The following CECR2 variants were observed in gnomAD, a reference collection of about 807,000 sequenced individuals.
The protein encoded by CECR2 is chromatin remodeling regulator CECR2.
In CECR2, 30 loss-of-function variants were observed where a neutral mutation model predicts 154.5. That is an observed-to-expected ratio of 0.19 (90% CI 0.15 to 0.26). The LOEUF (loss-of-function observed/expected upper bound fraction) is 0.26. CECR2 is among the 10% of genes least tolerant of loss of function. The pLI, the probability that CECR2 is intolerant of heterozygous loss-of-function variation, is 1.00. For synonymous variants in CECR2, 725 were observed against 683.7 expected (o/e 1.06, Z -0.94); for missense variants, 1,743 against 1,829.3 (o/e 0.95, Z 0.86).
chr22:17,518,131 T>C (rs2056091511), intron 8 of CECR2, among the ~76,000 whole-genome samples: 1 of 113,262 alleles, frequency 8.8e-6, no homozygotes. Context: ...CAGTCTCTTC[T>C]ACTTCCTTTC....
chr22:17,379,248 G>C (rs142498956), intron 1 of CECR2, among the ~76,000 whole-genome samples: 214 of 152,182 alleles, frequency 1.4e-3, no homozygotes, highest in African/African-American at 4.9e-3. Flanking sequence ...TGAGCCCCCC[G>C]CGCCTGGCAT....
At chr22:17,406,672 G>C (rs2053989840) in intron 1 of CECR2, among the ~76,000 whole-genome samples, 1 of 152,108 alleles carries the variant, frequency 6.6e-6, no homozygotes, top group Admixed American at 6.6e-5. Context: ...CCCTTCCCCA[G>C]ATTCTTAGCA....
chr22:17,484,897 C>G (rs2055393467), intron 2 of CECR2, among the ~76,000 whole-genome samples: 1 of 152,176 alleles, frequency 6.6e-6, no homozygotes, highest in Non-Finnish European at 1.5e-5. Context: ...GGACATCAGG[C>G]CAGATTTGGC....
chr22:17,498,981 A>T (rs1012644680), intron 3 of CECR2, among the ~76,000 whole-genome samples: 2 of 151,260 alleles, frequency 1.3e-5, no homozygotes, highest in East Asian at 1.9e-4. Context: ...GGACATTTTT[A>T]TTTATTTATT....
rs557080389 is a variant in CECR2 at position 17,490,457 on chromosome 22, T to C, written c.222-6946T>C. ...ATTTTTATTTATTTATTTTTTGAGA[T>C]GGCGTCTTGCTCTGTCACCCAGGCT... On this transcript the variant is annotated intron_variant, in intron 2 of 18. Transcript: ENST00000262608. Among the ~76,000 whole-genome samples, 115 of 152,126 alleles carry C rather than the reference T, an allele frequency of 7.6e-4. 1 individual carries two copies. The highest frequency in any genetic ancestry group is 2.7e-3 in the African/African-American group (113 of 41,502).
At position 17,383,091 on chromosome 22, in the gene CECR2, TG is replaced by T. The variant is rs1376196775; in HGVS notation, c.126+13184del. 4.6e-5 allele frequency among the ~76,000 whole-genome samples: 7 copies of T among 152,000 alleles called. No homozygotes were observed. The East Asian group carries it at 1.4e-3, about 29-fold the overall frequency. ...AAATACAAAAATTAGCCGGGCACGG[TG>T]GCGGGCACCTGTAATCCCAGCTGCT... On this transcript the variant is annotated intron_variant, in intron 1 of 18. Coordinates refer to ENST00000262608, the MANE Select transcript of CECR2 (RefSeq NM_001290047.2).
chr22:17,543,071 T>A, intron 16 of CECR2, 68 bp downstream of exon 16: 1 of 1,462,368 alleles, frequency 6.8e-7, no homozygotes, highest in Non-Finnish European at 9.2e-7. Flanking sequence ...ACACAGCATA[T>A]CAAACCAAGT....
intron 1 of CECR2, among the ~76,000 whole-genome samples, chr22:17,401,776 G>A (rs2053896049): frequency 6.6e-6 from 1 of 151,740 alleles, no homozygotes. Flanking sequence ...TTTCTCTTGG[G>A]TAAGTACCTG....
At chr22:17,462,045 C>T (rs2054947700) in intron 1 of CECR2, among the ~76,000 whole-genome samples, 1 of 151,336 alleles carries the variant, frequency 6.6e-6, no homozygotes, top group South Asian at 2.1e-4. Context: ...CCCGCCTTGG[C>T]CTCCCAAAGT....
At chr22:17,518,606 C>T (rs528604625) in intron 8 of CECR2, 10 of 395,920 alleles carry the variant, frequency 2.5e-5, no homozygotes, top group South Asian at 8.7e-5. Flanking sequence ...ATCTTTAGGA[C>T]GGATGGTTTC....
At chr22:17,503,514 A>G (rs557022915) in intron 6 of CECR2, among the ~76,000 whole-genome samples, 23 of 152,222 alleles carry the variant, frequency 1.5e-4, no homozygotes, top group Non-Finnish European at 1.5e-4. Flanking sequence ...TGTAATCCAA[A>G]TAACATAAAA....
intron 1 of CECR2, among the ~76,000 whole-genome samples, chr22:17,408,952 G>A (rs1165520852): frequency 6.6e-6 from 1 of 152,124 alleles, no homozygotes; most frequent in African/African-American, 2.4e-5. Context: ...CCTAGCTTTA[G>A]CTGTATCAGC....
Position 17,542,157 on chromosome 22 carries a change from C to G in CECR2, c.2014C>G (p.Pro672Ala). Residue 672 changes from proline to alanine, a missense_variant and splice_region_variant, in exon 16 of 19, where the codon CCT becomes GCT. Physicochemically the swap from Pro to Ala is conservative, Grantham distance 27. This residue lies in a region of CECR2 where 1,250 missense variants were observed against 1,192.1 expected (regional missense o/e 1.05). Transcript: ENST00000262608. ...CTGTGCTGCCTTTTCTCGTTGCCAGCCTCCAGTTGGAATTAACAGCCTCCG... is the reference window on the plus strand; with the variant it reads ...CTGTGCTGCCTTTTCTCGTTGCCAGGCTCCAGTTGGAATTAACAGCCTCCG... Reference protein sequence around the residue: ...VQQRQPFTMQPPVGINSLRGP... With the variant: ...VQQRQPFTMQAPVGINSLRGP... 1.2e-6 allele frequency: 2 copies of G among 1,607,152 alleles called. No homozygotes were observed. The highest frequency in any genetic ancestry group is 1.7e-6 in the Non-Finnish European group (2 of 1,174,800).
intron 1 of CECR2, among the ~76,000 whole-genome samples, chr22:17,433,402 C>A (rs1048329614): frequency 6.6e-6 from 1 of 152,134 alleles, no homozygotes; most frequent in African/African-American, 2.4e-5. Context: ...TTAAAATTAA[C>A]ATTTTAGAGT....
intron 1 of CECR2, among the ~76,000 whole-genome samples, chr22:17,379,510 A>C (rs547114108): frequency 3.3e-5 from 5 of 151,374 alleles, no homozygotes; most frequent in African/African-American, 1.2e-4. Context: ...TCTCTTGAGC[A>C]TTGAGCAGTG....
chr22:17,371,438 C>T (rs2146438313), intron 1 of CECR2, among the ~76,000 whole-genome samples: 1 of 152,206 alleles, frequency 6.6e-6, no homozygotes, highest in East Asian at 1.9e-4. Context: ...ATGTAGCAAG[C>T]ATAATTTTAT....
chr22:17,543,299 A>AT (rs1394554039), intron 16 of CECR2, among the ~76,000 whole-genome samples: 2 of 151,718 alleles, frequency 1.3e-5, no homozygotes, highest in Middle Eastern at 3.4e-3. Flanking sequence ...CGCCCGGCTA[A>AT]TTTTTTTGGT....
intron 1 of CECR2, among the ~76,000 whole-genome samples, chr22:17,399,742 A>G (rs917284613): frequency 1.3e-5 from 2 of 152,164 alleles, no homozygotes; most frequent in Non-Finnish European, 2.9e-5. Context: ...GGATGAGCAC[A>G]AGTACACTCA....
At chr22:17,420,093 AG>A (rs2054222891) in intron 1 of CECR2, among the ~76,000 whole-genome samples, 1 of 152,242 alleles carries the variant, frequency 6.6e-6, no homozygotes, top group Non-Finnish European at 1.5e-5. Flanking sequence ...TACTTACGAA[AG>A]GAAGATTTAA....
Sources: gnomAD v4.1 joint callset for allele counts (sites outside exome capture counted in the v4.1 genomes callset) on GRCh38, gnomAD v4.1.1 for gene constraint, gnomAD v4.1.1 regional missense constraint, MANE v1.5 for transcripts, NCBI Gene and HGNC (gene_info 2026-07-23, HGNC 2026-07-21) for gene names.